LHX8: variants seen among roughly 807,000 people sequenced by gnomAD.
The protein encoded by LHX8 is LIM homeobox 8.
A neutral mutation model predicts 40.3 loss-of-function variants in LHX8; 12 were observed. The ratio of observed to expected loss-of-function variants is 0.30; its 90% CI spans 0.19 to 0.48. LHX8 has a LOEUF of 0.48. Among genes scored for constraint, LHX8 ranks in the 20% least tolerant of loss-of-function variants. The probability of loss-of-function intolerance (pLI) is 0.99; values close to 1 mark genes in which losing one functional copy is unlikely to be tolerated. For missense variants in LHX8, 344 were observed against 433.7 expected, an observed-to-expected ratio of 0.79 and a Z score of 1.84; for synonymous variants, 179 against 162.0, an observed-to-expected ratio of 1.10 and a Z score of -0.80.
intron 8 of LHX8, among the ~76,000 whole-genome samples, chr1:75,158,510 C>T (rs1009783087): frequency 2.2e-4 from 34 of 152,042 alleles, no homozygotes; most frequent in Non-Finnish European, 8.8e-5. Context: ...CATCTAGAAA[C>T]TTTGTTTTAC....
the LHX8 span, chr1:75,183,122 C>T: frequency 6.6e-6 from 1 of 152,024 alleles, no homozygotes; most frequent in East Asian, 1.9e-4. Flanking sequence ...GGATGATATG[C>T]AATGTGTGGA....
chr1:75,194,637 G>A, the LHX8 span, among the ~76,000 whole-genome samples: 2 of 152,090 alleles, frequency 1.3e-5, no homozygotes, highest in African/African-American at 2.4e-5. Flanking sequence ...AGGAAAACAG[G>A]AAGTTTCTCT....
downstream of LHX8, among the ~76,000 whole-genome samples, chr1:75,161,691 A>C (rs1283136265): frequency 6.6e-6 from 1 of 152,102 alleles, no homozygotes; most frequent in East Asian, 1.9e-4. Context: ...ACACAGTAAA[A>C]CATTTAATTT....
At chr1:75,172,488 C>T in the LHX8 span, among the ~76,000 whole-genome samples, 12 of 152,318 alleles carry the variant, frequency 7.9e-5, no homozygotes, top group Admixed American at 7.8e-4. Context: ...AAGCTTATAT[C>T]TCTGCCAGTG....
the LHX8 span, among the ~76,000 whole-genome samples, chr1:75,179,502 G>GTTTTTTT: frequency 5.6e-4 from 61 of 108,446 alleles, no homozygotes; most frequent in African/African-American, 7.2e-4. Context: ...AACCCCTGTT[G>GTTTTTTT]TTTTTTTTTT....
chr1:75,157,136 T>C, intron 8 of LHX8, 60 bp downstream of exon 8: 4 of 1,509,988 alleles, frequency 2.6e-6, no homozygotes, highest in East Asian at 2.3e-5. Flanking sequence ...TAACTTCTAA[T>C]ATTAGATTAT....
the LHX8 span, among the ~76,000 whole-genome samples, chr1:75,188,954 A>G: frequency 6.6e-6 from 1 of 152,102 alleles, no homozygotes; most frequent in Admixed American, 6.5e-5. Flanking sequence ...TCTTCTCTCA[A>G]ATAGGATTTT....
Position 75,147,174 on chromosome 1 carries a change from C to G in LHX8, c.685-1413C>G, listed in dbSNP as rs143965574. Reference sequence around the variant, plus strand: ...TTTTTTAAAAGCAAAAATCCATGTTCTGTTTACAGTGAGTCTGTAGATACA... The same window carrying G: ...TTTTTTAAAAGCAAAAATCCATGTTGTGTTTACAGTGAGTCTGTAGATACA... On this transcript the variant is annotated intron_variant, in intron 6 of 8. Transcript: ENST00000356261. 4.7e-3 allele frequency among the ~76,000 whole-genome samples: 710 copies of G among 152,234 alleles called. 6 individuals carry two copies. Among genetic ancestry groups the G allele is most frequent in the African/African-American group, 0.016 (668 of 41,552 alleles).
At chr1:75,159,072 C>G (rs1191536538) in intron 8 of LHX8, among the ~76,000 whole-genome samples, 2 of 152,076 alleles carry the variant, frequency 1.3e-5, no homozygotes, top group Non-Finnish European at 2.9e-5. Context: ...TTAAGTTTAT[C>G]TCTAAGTATT....
chr1:75,150,375 A>G (rs1369775757), intron 7 of LHX8, among the ~76,000 whole-genome samples: 1 of 152,234 alleles, frequency 6.6e-6, no homozygotes, highest in African/African-American at 2.4e-5. Context: ...TGATGGTGGC[A>G]GTTAACTATG....
At position 75,156,936 on chromosome 1, in the gene LHX8, G is replaced by A. The variant is rs767042515; in HGVS notation, c.824G>A (p.Ser275Asn). The A allele has an allele frequency of 3.7e-6, 6 of 1,614,138 alleles. No homozygotes were observed. The South Asian group carries it at 4.4e-5, about 12-fold the overall frequency. Reference sequence around the variant, plus strand: ...AGAGCACGCCACAAGAAACACGTCAGTCCTAATCACTCATCCTCCACCCCA... The same window carrying A: ...AGAGCACGCCACAAGAAACACGTCAATCCTAATCACTCATCCTCCACCCCA... ...NCRARHKKHV[S>N]PNHSSSTPVT... The change falls in exon 8 of 9, where the codon AGT becomes AAT. Residue 275 changes from serine (S) to asparagine (N), a missense_variant. Ser to Asn is a conservative substitution (Grantham distance 46). Coordinates refer to ENST00000356261, the MANE Select transcript of LHX8 (RefSeq NM_001256114.2).
At chr1:75,130,263 G>A (rs1468342527), upstream of LHX8, 2 of 200,474 alleles carry the variant, frequency 1.0e-5, no homozygotes, top group Non-Finnish European at 2.1e-5. Context: ...GTAGCGGACC[G>A]GGAGAGCTTA....
At chr1:75,169,643 TTAG>T in the LHX8 span, among the ~76,000 whole-genome samples, 1 of 152,192 alleles carries the variant, frequency 6.6e-6, no homozygotes, top group Admixed American at 6.5e-5. Context: ...TTTGATGTTC[TTAG>T]TAGAAATATT....
chr1:75,134,545 A>AG lies in LHX8; in HGVS notation c.-416dup, dbSNP rs1054969209. On this transcript the variant is annotated 5_prime_UTR_variant, in exon 1 of 9. Transcript: ENST00000356261. ...TTTTATTAGTGGATCGGGGCGGGGG[A>AG]GGGGGGAGATCGGCAGACACGGACA... Among the ~76,000 whole-genome samples the AG allele has an allele frequency of 2.8e-5, 3 of 106,164 alleles. No individual in the cohort carries two copies. The highest frequency in any genetic ancestry group is 7.3e-5 in the African/African-American group (2 of 27,366). 69.6% of individuals were successfully genotyped at this position (106,164 alleles called of 152,430 possible). A position where few individuals can be genotyped will look rare whatever the true frequency, so the allele number is the denominator to read the frequency against.
At chr1:75,150,988 A>G (rs1002029938) in intron 7 of LHX8, among the ~76,000 whole-genome samples, 3 of 152,118 alleles carry the variant, frequency 2.0e-5, no homozygotes, top group Admixed American at 6.6e-5. Context: ...AAATAATTTT[A>G]AATAACACCG....
intron 1 of LHX8, among the ~76,000 whole-genome samples, chr1:75,136,203 A>C (rs1570283528): frequency 2.7e-5 from 4 of 148,118 alleles, no homozygotes; most frequent in African/African-American, 5.0e-5. Context: ...CTCGCACTCC[A>C]CCTCCCACTG....
At chr1:75,146,196 T>C (rs1648455584) in intron 6 of LHX8, among the ~76,000 whole-genome samples, 1 of 152,162 alleles carries the variant, frequency 6.6e-6, no homozygotes, top group Non-Finnish European at 1.5e-5. Context: ...TTTGGCAAGA[T>C]AATAAAATAT....
At chr1:75,168,914 C>T in the LHX8 span, among the ~76,000 whole-genome samples, 1 of 152,230 alleles carries the variant, frequency 6.6e-6, no homozygotes, top group East Asian at 1.9e-4. Context: ...AAAACATCAT[C>T]TCCCACCTGG....
chr1:75,147,005 C>T (rs1011807768), intron 6 of LHX8, among the ~76,000 whole-genome samples: 16 of 152,036 alleles, frequency 1.1e-4, no homozygotes, highest in African/African-American at 3.4e-4. Flanking sequence ...ATAATTTGCT[C>T]GTTCTTTTTG....
Sources: allele counts gnomAD v4.1 joint callset (sites outside exome capture counted in the v4.1 genomes callset), GRCh38; gene constraint gnomAD v4.1.1; transcripts MANE v1.5; gene names NCBI Gene and HGNC (gene_info 2026-07-23, HGNC 2026-07-21).